The following AGO3 variants were observed in gnomAD, a reference collection of about 807,000 sequenced individuals.
AGO3 encodes the protein argonaute RISC catalytic component 3, also known as protein argonaute-3.
AGO3 carries 16 observed loss-of-function variants against 105.5 expected under a neutral mutation model. That is an observed-to-expected ratio of 0.15 (90% confidence interval 0.10 to 0.23). The LOEUF (loss-of-function observed/expected upper bound fraction) is 0.23. AGO3 is among the 10% of genes least tolerant of loss of function. The probability of loss-of-function intolerance (pLI) is 1.00; values close to 1 mark genes in which losing one functional copy is unlikely to be tolerated. For synonymous variants in AGO3, 340 were observed against 367.3 expected, an observed-to-expected ratio of 0.93 and a Z score of 0.85; for missense variants, 534 against 1,088.0, an observed-to-expected ratio of 0.49 and a Z score of 7.16.
At chr1:36,018,121 G>A (rs1315317383) in intron 11 of AGO3, among the ~76,000 whole-genome samples, 10 of 150,896 alleles carry the variant, frequency 6.6e-5, no homozygotes, top group Admixed American at 2.6e-4. Context: ...GAACAGGCAC[G>A]TACCACCACG....
Position 36,064,314 on chromosome 1 carries a change from A to C in AGO3, c.*8569A>C, listed in dbSNP as rs1446181633. The stretch of plus-strand genomic sequence containing the variant: ...AGAATCACTTGAACTCGGGAGGCGG[A>C]GGTTGCAGTGAGCCAAGATCGCGCC... On this transcript the variant is annotated 3_prime_UTR_variant, in exon 19 of 19. Transcript: ENST00000373191. 2 of 152,446 alleles carry C rather than the reference A, an allele frequency of 1.3e-5. No individual in the cohort carries two copies. Among genetic ancestry groups the C allele is most frequent in the Non-Finnish European group, 2.9e-5 (2 of 68,188 alleles). 9.4% of individuals were successfully genotyped at this position (152,446 alleles called of 1,614,324 possible). A position where few individuals can be genotyped will look rare whatever the true frequency, so the allele number is the denominator to read the frequency against.
intron 17 of AGO3, among the ~76,000 whole-genome samples, chr1:36,053,303 T>TG (rs1485009820): frequency 6.6e-6 from 1 of 151,992 alleles, no homozygotes; most frequent in Non-Finnish European, 1.5e-5. Flanking sequence ...CTTTTTGAGA[T>TG]GGAGTCTCGC....
intron 5 of AGO3, among the ~76,000 whole-genome samples, chr1:35,987,493 A>C (rs78984062): frequency 6.6e-6 from 1 of 150,846 alleles, no homozygotes; most frequent in Non-Finnish European, 1.5e-5. Flanking sequence ...ACTCTGTTTC[A>C]AAAAAAAAGC....
chr1:36,041,151 A>G (rs561434813), intron 16 of AGO3, among the ~76,000 whole-genome samples: 26 of 148,226 alleles, frequency 1.8e-4, no homozygotes, highest in Middle Eastern at 3.5e-3. Flanking sequence ...TCACAGAATT[A>G]TTTTATGCAT....
rs1297073169 is a variant in AGO3, at chr1:36,059,429, T to G, written c.*3684T>G. On this transcript the variant is annotated 3_prime_UTR_variant, in exon 19 of 19. Transcript: ENST00000373191. ...AAAGTTTTTTTTTTTAAGTTAAACATGAAATTCACAGTGACCCTTCTGCTC... is the reference window on the plus strand; with the variant it reads ...AAAGTTTTTTTTTTTAAGTTAAACAGGAAATTCACAGTGACCCTTCTGCTC... 1 of 151,610 alleles carries G rather than the reference T, an allele frequency of 6.6e-6. No homozygotes were observed. The highest frequency in any genetic ancestry group is 1.5e-5 in the Non-Finnish European group (1 of 67,900). The allele number at this position is 151,610 out of a possible 1,614,324, so 9.4% of individuals were successfully genotyped here.
At chr1:36,004,569 G>A (rs1167528437) in intron 6 of AGO3, 94 bp downstream of exon 6, 33 of 1,153,136 alleles carry the variant, frequency 2.9e-5, no homozygotes, top group Non-Finnish European at 3.4e-5. Flanking sequence ...TAAAATCTAT[G>A]TAACATAACC....
At chr1:36,030,583 T>G (rs1641729372) in intron 12 of AGO3, among the ~76,000 whole-genome samples, 1 of 152,148 alleles carries the variant, frequency 6.6e-6, no homozygotes, top group Admixed American at 6.6e-5. Flanking sequence ...AGCAAACATA[T>G]TTAAATATTA....
At chr1:35,940,298 C>T (rs1489333571) in intron 1 of AGO3, among the ~76,000 whole-genome samples, 4 of 152,216 alleles carry the variant, frequency 2.6e-5, no homozygotes, top group South Asian at 4.2e-4. Context: ...AACTCCTGAC[C>T]TCAGGTGATC....
Position 36,060,295 on chromosome 1 carries a change from T to C in AGO3, c.*4550T>C, listed in dbSNP as rs1454511122. 1 of 152,252 alleles carries C rather than the reference T, an allele frequency of 6.6e-6. No individual in the cohort carries two copies. Among genetic ancestry groups the C allele is most frequent in the Non-Finnish European group, 1.5e-5 (1 of 68,064 alleles). 9.4% of individuals were successfully genotyped at this position (152,252 alleles called of 1,614,324 possible). ...GCCTTCTGACAGAGTCATGAAAGAC[T>C]GAAGGCATGTCTAGGGAAATAAAAC... On this transcript the variant is annotated 3_prime_UTR_variant, in exon 19 of 19. Transcript: ENST00000373191.
rs577772514 is a variant in AGO3, at chr1:36,070,735, G to A, written c.*14990G>A. 1.2e-4 allele frequency: 18 copies of A among 152,236 alleles called. No individual in the cohort carries two copies. In the South Asian group the frequency reaches 3.3e-3, roughly 28 times the overall value. 9.4% of individuals were successfully genotyped at this position (152,236 alleles called of 1,614,324 possible). On this transcript the variant is annotated 3_prime_UTR_variant, in exon 19 of 19. Transcript: ENST00000373191. ...TCAAGTACTGAAGATGAAAAGTTGG[G>A]GAGATTCATGTTTGAAAAATGAAAA...
intron 3 of AGO3, among the ~76,000 whole-genome samples, chr1:35,967,985 A>T (rs1646804331): frequency 6.6e-6 from 1 of 152,136 alleles, no homozygotes; most frequent in African/African-American, 2.4e-5. Flanking sequence ...GATTATCGGT[A>T]AATTATTTTG....
chr1:35,935,824 T>C (rs138702187), intron 1 of AGO3, among the ~76,000 whole-genome samples: 59 of 152,362 alleles, frequency 3.9e-4, no homozygotes, highest in African/African-American at 1.4e-3. Flanking sequence ...AAAATATTAT[T>C]AATCTAACAA....
chr1:35,975,921 CTTT>C (rs886845031), intron 5 of AGO3, among the ~76,000 whole-genome samples: 59 of 145,442 alleles, frequency 4.1e-4, no homozygotes, highest in African/African-American at 1.4e-3. Context: ...TTGCACATTT[CTTT>C]TTTTTTTTCT....
chr1:36,047,614 T>C (rs1569935979), intron 17 of AGO3, among the ~76,000 whole-genome samples: 1 of 152,206 alleles, frequency 6.6e-6, no homozygotes, highest in East Asian at 1.9e-4. Flanking sequence ...GCATGGTGGC[T>C]TACACCTGTA....
intron 17 of AGO3, among the ~76,000 whole-genome samples, chr1:36,054,684 C>T (rs951544654): frequency 6.6e-6 from 1 of 152,084 alleles, no homozygotes; most frequent in African/African-American, 2.4e-5. Context: ...AGTTTGAGAC[C>T]AGCCTGACCA....
intron 2 of AGO3, among the ~76,000 whole-genome samples, chr1:35,951,994 TC>T (rs764730796): frequency 1.3e-5 from 2 of 152,170 alleles, no homozygotes; most frequent in Non-Finnish European, 2.9e-5. Flanking sequence ...GAACATTTCA[TC>T]CTCTCAAAAA....
At chr1:35,967,386 A>G (rs1053137688) in intron 3 of AGO3, among the ~76,000 whole-genome samples, 2 of 150,950 alleles carry the variant, frequency 1.3e-5, no homozygotes, top group Non-Finnish European at 2.9e-5. Flanking sequence ...TGCACATACC[A>G]TGCCCCATTA....
chr1:36,040,504 A>T, intron 16 of AGO3, 63 bp downstream of exon 16: 1 of 1,566,264 alleles, frequency 6.4e-7, no homozygotes, highest in Non-Finnish European at 8.7e-7. Context: ...TTCATAGAGC[A>T]TTCAACAAGG....
At position 36,059,364 on chromosome 1, in the gene AGO3, G is replaced by A. The variant is rs1642997914; in HGVS notation, c.*3619G>A. ...CTTGAAATTTGTCCTATTTATTGTTGCATTTCTGGTGTAGAATTTCTAATC... is the reference window on the plus strand; with the variant it reads ...CTTGAAATTTGTCCTATTTATTGTTACATTTCTGGTGTAGAATTTCTAATC... On this transcript the variant is annotated 3_prime_UTR_variant, in exon 19 of 19. Coordinates refer to ENST00000373191, the MANE Select transcript of AGO3 (RefSeq NM_024852.4). 1 of 151,236 alleles carries A rather than the reference G, an allele frequency of 6.6e-6. No individual in the cohort carries two copies. The highest frequency in any genetic ancestry group is 2.4e-5 in the African/African-American group (1 of 41,170). The allele number at this position is 151,236 out of a possible 1,614,324, so 9.4% of individuals were successfully genotyped here.
Sources: gnomAD v4.1 joint callset for allele counts (sites outside exome capture counted in the v4.1 genomes callset) on GRCh38, gnomAD v4.1.1 for gene constraint, MANE v1.5 for transcripts, NCBI Gene and HGNC (gene_info 2026-07-23, HGNC 2026-07-21) for gene names.